The following SUPT3H variants were observed in gnomAD, a reference collection of about 807,000 sequenced individuals.
The protein encoded by SUPT3H is SPT3 homolog, SAGA and STAGA complex component, also known as transcription initiation protein SPT3 homolog.
A neutral mutation model predicts 44.3 loss-of-function variants in SUPT3H; 44 were observed. The ratio of observed to expected loss-of-function variants is 0.99; its 90% CI spans 0.78 to 1.28. SUPT3H has a LOEUF of 1.28. SUPT3H is among the 50% of genes most tolerant of loss of function. SUPT3H has a pLI of 0.00. For missense variants in SUPT3H, 380 were observed against 387.1 expected (o/e 0.98, Z 0.15); for synonymous variants, 124 against 125.6 (o/e 0.99, Z 0.09).
chr6:44,867,451 T>C (rs1365632417), intron 10 of SUPT3H, among the ~76,000 whole-genome samples: 1 of 152,230 alleles, frequency 6.6e-6, no homozygotes, highest in Admixed American at 6.5e-5. Flanking sequence ...AAATATTCAA[T>C]CTTCAATTCA....
chr6:45,016,746 T>A (rs1387951560), intron 4 of SUPT3H, among the ~76,000 whole-genome samples: 1 of 152,078 alleles, frequency 6.6e-6, no homozygotes, highest in Non-Finnish European at 1.5e-5. Flanking sequence ...TCTATCATTG[T>A]TGGACATTTG....
intron 5 of SUPT3H, among the ~76,000 whole-genome samples, chr6:45,012,852 A>G (rs999661220): frequency 1.3e-5 from 2 of 152,254 alleles, no homozygotes; most frequent in Non-Finnish European, 2.9e-5. Flanking sequence ...CTGAACTAGT[A>G]CAATGAAGTC....
chr6:44,877,865 A>T (rs1430958157), intron 10 of SUPT3H, among the ~76,000 whole-genome samples: 1 of 152,088 alleles, frequency 6.6e-6, no homozygotes, highest in East Asian at 1.9e-4. Flanking sequence ...CTGCACTGTG[A>T]TGTTGGTATT....
intron 2 of SUPT3H, among the ~76,000 whole-genome samples, chr6:45,283,486 A>C (rs1293583895): frequency 6.6e-6 from 1 of 152,204 alleles, no homozygotes; most frequent in African/African-American, 2.4e-5. Context: ...AAAGAGACAA[A>C]GAAGGCCATT....
chr6:45,192,958 G>T (rs1242427218), intron 2 of SUPT3H, among the ~76,000 whole-genome samples: 1 of 152,088 alleles, frequency 6.6e-6, no homozygotes, highest in Non-Finnish European at 1.5e-5. Context: ...TTTCTAAAAA[G>T]GTTTTGTTAT....
At chr6:45,254,287 T>G (rs1772958999) in intron 2 of SUPT3H, among the ~76,000 whole-genome samples, 1 of 152,152 alleles carries the variant, frequency 6.6e-6, no homozygotes. Flanking sequence ...CAGAAATTAG[T>G]AAACTTTAGA....
intron 11 of SUPT3H, among the ~76,000 whole-genome samples, chr6:44,821,377 C>T (rs975263282): frequency 6.6e-6 from 1 of 152,152 alleles, no homozygotes; most frequent in Non-Finnish European, 1.5e-5. Context: ...ACAAAATAAT[C>T]TTCATTTCAA....
chr6:45,282,941 A>G (rs1213938791), intron 2 of SUPT3H, among the ~76,000 whole-genome samples: 1 of 152,198 alleles, frequency 6.6e-6, no homozygotes, highest in African/African-American at 2.4e-5. Flanking sequence ...CAACATTCTT[A>G]AGGAAAAGAA....
intron 3 of SUPT3H, among the ~76,000 whole-genome samples, chr6:45,067,777 C>T: frequency 7.0e-6 from 1 of 142,966 alleles, no homozygotes; most frequent in East Asian, 2.0e-4. Context: ...CATCTCACAC[C>T]AGTTAGAATG....
At chr6:44,978,018 C>A (rs910432988) in intron 6 of SUPT3H, among the ~76,000 whole-genome samples, 2 of 151,978 alleles carry the variant, frequency 1.3e-5, no homozygotes, top group Admixed American at 6.6e-5. Context: ...ATAGTGCCTA[C>A]TGAATATTCA....
chr6:45,131,547 G>A (rs1441781293), intron 2 of SUPT3H, among the ~76,000 whole-genome samples: 1 of 151,744 alleles, frequency 6.6e-6, no homozygotes, highest in East Asian at 1.9e-4. Context: ...CATATTAACA[G>A]CTTATGTGCC....
At chr6:45,361,275 A>T (rs1794208268) in intron 2 of SUPT3H, among the ~76,000 whole-genome samples, 1 of 152,172 alleles carries the variant, frequency 6.6e-6, no homozygotes, top group Non-Finnish European at 1.5e-5. Flanking sequence ...AGTAACATGT[A>T]AACAAGATTT....
At chr6:45,346,162 A>C (rs1405748163) in intron 2 of SUPT3H, among the ~76,000 whole-genome samples, 1 of 143,272 alleles carries the variant, frequency 7.0e-6, no homozygotes, top group East Asian at 1.9e-4. Context: ...ACCTGCATCT[A>C]CCACCTGTCA....
At chr6:45,356,138 A>G (rs1793121401) in intron 2 of SUPT3H, among the ~76,000 whole-genome samples, 1 of 152,196 alleles carries the variant, frequency 6.6e-6, no homozygotes, top group Non-Finnish European at 1.5e-5. Context: ...GTCATAGGAA[A>G]AAAATGTTAT....
intron 2 of SUPT3H, among the ~76,000 whole-genome samples, chr6:45,190,171 T>C (rs138252269): frequency 3.3e-5 from 5 of 152,252 alleles, no homozygotes; most frequent in Non-Finnish European, 1.5e-5. Context: ...ATTGCAACTC[T>C]CCAAGTGATA....
intron 10 of SUPT3H, among the ~76,000 whole-genome samples, chr6:44,844,052 T>A (rs1188157635): frequency 6.6e-6 from 1 of 151,966 alleles, no homozygotes; most frequent in Non-Finnish European, 1.5e-5. Context: ...CAGATAGAAA[T>A]GCAGATCAGT....
chr6:45,258,884 C>T (rs1773862832), intron 2 of SUPT3H, among the ~76,000 whole-genome samples: 1 of 152,050 alleles, frequency 6.6e-6, no homozygotes, highest in Admixed American at 6.6e-5. Flanking sequence ...AATAAAATGT[C>T]ACTTATATAA....
Position 44,828,808 on chromosome 6 carries a change from A to AAAT in SUPT3H, c.*1005_*1007dup, listed in dbSNP as rs1424614123. ...AGTATGTGTAAAAACCATAAAAGTA[A>AAAT]AATTATACAAAACTCCCACAGAATT... On this transcript the variant is annotated 3_prime_UTR_variant, in exon 11 of 11. Coordinates refer to ENST00000371459, the MANE Select transcript of SUPT3H (RefSeq NM_003599.4). 1 of 152,570 alleles carries AAAT rather than the reference A, an allele frequency of 6.6e-6. No homozygotes were observed. The highest frequency in any genetic ancestry group is 6.5e-5 in the Admixed American group (1 of 15,268). 9.5% of individuals were successfully genotyped at this position (152,570 alleles called of 1,614,324 possible).
intron 6 of SUPT3H, among the ~76,000 whole-genome samples, chr6:44,998,837 GT>G (rs1201764624): frequency 4.6e-5 from 7 of 151,712 alleles, no homozygotes; most frequent in Admixed American, 4.6e-4. Flanking sequence ...TTAGTTGAAT[GT>G]TTGGTTTATT....
Sources: gnomAD v4.1 joint callset for allele counts (sites outside exome capture counted in the v4.1 genomes callset) on GRCh38, gnomAD v4.1.1 for gene constraint, MANE v1.5 for transcripts, NCBI Gene and HGNC (gene_info 2026-07-23, HGNC 2026-07-21) for gene names.